Variants in EHMT1 observed in about 807,000 individuals in gnomAD.
EHMT1 encodes the protein histone-lysine N-methyltransferase EHMT1.
Under a neutral mutation model 147.2 loss-of-function variants are expected in EHMT1, and 15 were observed. The observed-to-expected ratio is 0.10, with a 90% CI of 0.07 to 0.16. The LOEUF is 0.16. Among genes scored for constraint, EHMT1 ranks in the 10% least tolerant of loss-of-function variants. The probability of loss-of-function intolerance (pLI) is 1.00; values close to 1 mark genes in which losing one functional copy is unlikely to be tolerated. For synonymous variants in EHMT1, 795 were observed against 709.6 expected (o/e 1.12, Z -1.91); for missense variants, 1,587 against 1,772.4 (o/e 0.90, Z 1.88).
rs374318772 is a variant in EHMT1 at position 137,816,083 on chromosome 9, G to A, written c.3374+21G>A. 2.0e-4 allele frequency: 320 copies of A among 1,594,198 alleles called. No homozygotes were observed. Among genetic ancestry groups the A allele is most frequent in the South Asian group, 6.0e-4 (53 of 88,296 alleles). ...CTCAGGTGAGAGGCAGCTTCCTGCCGGAGCCCCACATTCTGCTCGTATTAG... is the reference window on the plus strand; with the variant it reads ...CTCAGGTGAGAGGCAGCTTCCTGCCAGAGCCCCACATTCTGCTCGTATTAG... On this transcript the variant is annotated intron_variant, in intron 23 of 26. Transcript: ENST00000460843.
intron 19 of EHMT1, 123 bp downstream of exon 19, chr9:137,811,738 G>C (rs1244802723): frequency 7.6e-7 from 1 of 1,317,230 alleles, no homozygotes; most frequent in South Asian, 1.2e-5. Flanking sequence ...CTGTTCCTTC[G>C]TGTGGAAGTC....
At chr9:137,833,850 G>T (rs1372270472) in intron 25 of EHMT1, among the ~76,000 whole-genome samples, 1 of 152,198 alleles carries the variant, frequency 6.6e-6, no homozygotes, top group Non-Finnish European at 1.5e-5. Context: ...GGTGCCATTC[G>T]CCACTGAGTC....
chr9:137,757,657 G>GAAT (rs1177611074), intron 8 of EHMT1, among the ~76,000 whole-genome samples: 1 of 152,176 alleles, frequency 6.6e-6, no homozygotes, highest in Non-Finnish European at 1.5e-5. Context: ...CCTCCCCCAT[G>GAAT]AATATTATGT....
rs1220465104 is a variant in EHMT1 at position 137,744,163 on chromosome 9, C to T, written c.1170+73C>T. ...AGTTGGCCGTGGTTCTGAAAATTAA[C>T]AGTCTGGTCACTTCTAGACCCTGAT... On this transcript the variant is annotated intron_variant, in intron 6 of 26. Transcript: ENST00000460843. The T allele has an allele frequency of 5.2e-6, 8 of 1,534,556 alleles. No individual in the cohort carries two copies. In the African/African-American group the frequency reaches 9.5e-5, roughly 18 times the overall value.
chr9:137,709,687 CAATT>C (rs1166153413), intron 1 of EHMT1, among the ~76,000 whole-genome samples: 1 of 151,974 alleles, frequency 6.6e-6, no homozygotes, highest in Non-Finnish European at 1.5e-5. Flanking sequence ...TGTTGATAGT[CAATT>C]AAAGATGGAA....
chr9:137,769,824 CTTTCCT>C (rs143804694), intron 10 of EHMT1, among the ~76,000 whole-genome samples: 7,373 of 151,612 alleles, frequency 0.049, 567 homozygotes, highest in African/African-American at 0.17. Context: ...CACTTTTTTT[CTTTCCT>C]TTTCCTTTTC....
chr9:137,627,624 C>T (rs980763803), intron 1 of EHMT1, among the ~76,000 whole-genome samples: 1 of 151,084 alleles, frequency 6.6e-6, no homozygotes, highest in Admixed American at 6.6e-5. Context: ...CGCGCCCGGC[C>T]CTTTTGCAGA....
At chr9:137,619,237 C>T (rs1162436171) in intron 1 of EHMT1, among the ~76,000 whole-genome samples, 188 bp downstream of exon 1, 1 of 141,372 alleles carries the variant, frequency 7.1e-6, no homozygotes, top group East Asian at 2.1e-4. Context: ...GCCGGGCGTC[C>T]GGCCCGCGCT....
chr9:137,656,645 C>T (rs772272778), intron 1 of EHMT1, among the ~76,000 whole-genome samples: 4 of 152,036 alleles, frequency 2.6e-5, no homozygotes, highest in Admixed American at 6.5e-5. Flanking sequence ...GACATGTGTA[C>T]ACCCAGGAGG....
chr9:137,686,885 C>T (rs368591305), intron 1 of EHMT1, among the ~76,000 whole-genome samples: 13 of 152,144 alleles, frequency 8.5e-5, no homozygotes, highest in South Asian at 2.1e-4. Flanking sequence ...CGCCCGCCAC[C>T]GCGCCCAGCT....
chr9:137,635,677 G>T (rs933914840), intron 1 of EHMT1, among the ~76,000 whole-genome samples: 1 of 150,948 alleles, frequency 6.6e-6, no homozygotes, highest in African/African-American at 2.4e-5. Context: ...AAAATTAGTG[G>T]GACGTGGTGG....
At chr9:137,726,314 T>C (rs2135744918) in intron 3 of EHMT1, among the ~76,000 whole-genome samples, 1 of 152,302 alleles carries the variant, frequency 6.6e-6, no homozygotes, top group Admixed American at 6.5e-5. Flanking sequence ...CCATTCTACT[T>C]TCTGTGTCCA....
rs1231552364 is a variant in EHMT1, at chr9:137,800,877, C to T, written c.2608-3C>T. On this transcript the variant is annotated splice_polypyrimidine_tract_variant and splice_region_variant and intron_variant, in intron 17 of 26. Coordinates refer to ENST00000460843, the MANE Select transcript of EHMT1 (RefSeq NM_024757.5). ...ATGACAGCTTTGTCCTCTTCCCTGGCAGGATGACGGAGGCTGGACACCCAT... is the reference window on the plus strand; with the variant it reads ...ATGACAGCTTTGTCCTCTTCCCTGGTAGGATGACGGAGGCTGGACACCCAT... 3 of 1,613,830 alleles carry T rather than the reference C, an allele frequency of 1.9e-6. No individual in the cohort carries two copies. Among genetic ancestry groups the T allele is most frequent in the African/African-American group, 1.3e-5 (1 of 74,910 alleles).
intron 23 of EHMT1, chr9:137,816,941 A>C: frequency 4.4e-6 from 1 of 225,992 alleles, no homozygotes. Context: ...CTCCAGATCT[A>C]CCCGGCCACC....
chr9:137,628,118 GT>G (rs1843385737), intron 1 of EHMT1, among the ~76,000 whole-genome samples: 1 of 152,228 alleles, frequency 6.6e-6, no homozygotes, highest in African/African-American at 2.4e-5. Flanking sequence ...CTCAGGTGGA[GT>G]TTTGCCCGCA....
Position 137,715,748 on chromosome 9 carries a change from C to T in EHMT1, c.86-878C>T, listed in dbSNP as rs923615975. The T allele has an allele frequency of 2.3e-5, 23 of 985,272 alleles. No homozygotes were observed. In the South Asian group the frequency reaches 5.6e-4, roughly 24 times the overall value. The allele number at this position is 985,272 out of a possible 1,614,324, so 61.0% of individuals were successfully genotyped here. A position where few individuals can be genotyped will look rare whatever the true frequency, so the allele number is the denominator to read the frequency against. On this transcript the variant is annotated intron_variant, in intron 2 of 26. Coordinates refer to ENST00000460843, the MANE Select transcript of EHMT1 (RefSeq NM_024757.5). ...TCTGTAGGGAGTGGAGAGCAGACCA[C>T]GGATGTGCTCCAAGTATAAGCCCTT...
At chr9:137,812,929 A>G in intron 19 of EHMT1, 77 bp from the exon 20 acceptor site, 1 of 1,578,882 alleles carries the variant, frequency 6.3e-7, no homozygotes, top group Non-Finnish European at 8.7e-7. Context: ...GTGATGACGG[A>G]CATTTTATAA....
At chr9:137,743,863 C>A (rs1427839967) in intron 5 of EHMT1, 39 bp from the exon 6 acceptor site, 1 of 1,582,710 alleles carries the variant, frequency 6.3e-7, no homozygotes, top group Non-Finnish European at 8.6e-7. Context: ...ATGATGCGCA[C>A]TGATCCTGCC....
chr9:137,624,529 A>G (rs750269235), intron 1 of EHMT1, among the ~76,000 whole-genome samples: 1 of 151,878 alleles, frequency 6.6e-6, no homozygotes, highest in Non-Finnish European at 1.5e-5. Flanking sequence ...TCGGCCAGGC[A>G]GGTCTCGAAC....
Sources: allele counts gnomAD v4.1 joint callset (sites outside exome capture counted in the v4.1 genomes callset), GRCh38; gene constraint gnomAD v4.1.1; transcripts MANE v1.5; gene names NCBI Gene and HGNC (gene_info 2026-07-23, HGNC 2026-07-21).